Variants in POGK observed in about 807,000 individuals in gnomAD.
POGK encodes the protein pogo transposable element with KRAB domain.
Under a neutral mutation model 54.4 loss-of-function variants are expected in POGK, and 16 were observed. The observed-to-expected ratio is 0.29, with a 90% CI of 0.20 to 0.45. POGK has a LOEUF of 0.45. Ranked by LOEUF, POGK falls within the 20% of genes least tolerant of loss-of-function variation. The pLI is 1.00. For synonymous variants in POGK, 271 were observed against 302.2 expected (o/e 0.90, Z 1.07); for missense variants, 515 against 795.6 (o/e 0.65, Z 4.24).
Position 166,849,878 on chromosome 1 carries a change from T to C in POGK, c.1299T>C (p.Ile433=), listed in dbSNP as rs202027505. The C allele has an allele frequency of 9.4e-5, 151 of 1,614,218 alleles. No homozygotes were observed. Among genetic ancestry groups the C allele is most frequent in the Non-Finnish European group, 4.2e-5 (50 of 1,180,040 alleles). ...PPGKFPSGME[I]RCHRYGWMTE... is the part of the protein sequence containing the mutation. Reference sequence around the variant, plus strand: ...GGAAGTTTCCCAGTGGGATGGAAATTCGCTGCCACCGGTATGGGTGGATGA... The same window carrying C: ...GGAAGTTTCCCAGTGGGATGGAAATCCGCTGCCACCGGTATGGGTGGATGA... Residue 433 remains isoleucine, a synonymous_variant, in exon 5 of 6, where the codon ATT becomes ATC. Transcript: ENST00000367876.
rs781538379 is a variant in POGK, at chr1:166,850,003, G to A, written c.1424G>A (p.Gly475Asp). 8 of 1,614,076 alleles carry A rather than the reference G, an allele frequency of 5.0e-6. No homozygotes were observed. Among genetic ancestry groups the A allele is most frequent in the Non-Finnish European group, 6.8e-6 (8 of 1,180,032 alleles). ...RGMLILNGFR[G>D]HATDSVKNSM... The stretch of plus-strand genomic sequence containing the variant: ...ATGCTGATCTTGAATGGCTTCCGGG[G>A]CCATGCCACAGATTCCGTGAAGAAC... The change falls in exon 5 of 6, where the codon GGC becomes GAC. Residue 475 changes from glycine to aspartate, a missense_variant. Gly to Asp is a moderately conservative substitution (Grantham distance 94, BLOSUM62 -1). Coordinates refer to ENST00000367876, the MANE Select transcript of POGK (RefSeq NM_017542.5).
At chr1:166,847,334 A>G (rs1657889134) in intron 3 of POGK, among the ~76,000 whole-genome samples, 160 bp from the exon 4 acceptor site, 1 of 151,998 alleles carries the variant, frequency 6.6e-6, no homozygotes, top group Non-Finnish European at 1.5e-5. Flanking sequence ...AGACAGACCT[A>G]TTTTCCATTA....
At position 166,843,983 on chromosome 1, in the gene POGK, A is replaced by G. The variant is rs547441057; in HGVS notation, c.133-2629A>G. Among the ~76,000 whole-genome samples, 264 of 152,312 alleles carry G rather than the reference A, an allele frequency of 1.7e-3. 4 individuals carry two copies. The highest frequency in any genetic ancestry group is 4.6e-3 in the South Asian group (22 of 4,830). On this transcript the variant is annotated intron_variant, in intron 2 of 5. Transcript: ENST00000367876. Reference sequence around the variant, plus strand: ...TGTTTACCTTCTGCTATGTTGAGCCAGATAAAAGGCCTCTGTGGAGCGAGG... The same window carrying G: ...TGTTTACCTTCTGCTATGTTGAGCCGGATAAAAGGCCTCTGTGGAGCGAGG...
intron 2 of POGK, among the ~76,000 whole-genome samples, chr1:166,845,372 A>AT (rs1228043381): frequency 6.6e-6 from 1 of 151,734 alleles, no homozygotes; most frequent in African/African-American, 2.4e-5. Context: ...AAAAAAAAAA[A>AT]AAATAGGCGT....
In POGK at chr1:166,855,992, TATTG is replaced by T. The variant is rs962773614; in HGVS notation, c.*3426_*3429del. On this transcript the variant is annotated 3_prime_UTR_variant, in exon 6 of 6. Coordinates refer to ENST00000367876, the MANE Select transcript of POGK (RefSeq NM_017542.5). ...CTTGTGCCAAGAACTGAAACTAAGC[TATTG>T]ATTTTTTTTTAAGAAGTCTTAATCT... The T allele has an allele frequency of 1.3e-5, 2 of 152,308 alleles. No homozygotes were observed. The highest frequency in any genetic ancestry group is 6.5e-5 in the Admixed American group (1 of 15,304). The allele number at this position is 152,308 out of a possible 1,614,324, so 9.4% of individuals were successfully genotyped here.
At chr1:166,848,325 G>A (rs1384078369) in intron 4 of POGK, among the ~76,000 whole-genome samples, 1 of 152,146 alleles carries the variant, frequency 6.6e-6, no homozygotes, top group Non-Finnish European at 1.5e-5. Flanking sequence ...ATTTTAGTTT[G>A]GGTGAGATAG....
rs181238926 is a variant in POGK, at chr1:166,841,282, C to A, written c.132+194C>A. Among the ~76,000 whole-genome samples the A allele has an allele frequency of 1.7e-3, 252 of 152,340 alleles. 1 individual carries two copies. The highest frequency in any genetic ancestry group is 5.6e-3 in the African/African-American group (231 of 41,584). On this transcript the variant is annotated intron_variant, in intron 2 of 5. Coordinates refer to ENST00000367876, the MANE Select transcript of POGK (RefSeq NM_017542.5). ...GGAGGAGGTGTTATGGAAACAGTCC[C>A]TCAGCCATGTAGCTTGTCATCGTTC...
intron 2 of POGK, among the ~76,000 whole-genome samples, chr1:166,842,597 G>A (rs537142616): frequency 3.3e-5 from 5 of 152,226 alleles, no homozygotes; most frequent in Non-Finnish European, 5.9e-5. Flanking sequence ...TGAGAACTCC[G>A]GGGCTTCCTG....
intron 2 of POGK, among the ~76,000 whole-genome samples, chr1:166,845,100 T>A (rs1657790870): frequency 6.6e-6 from 1 of 152,152 alleles, no homozygotes; most frequent in Non-Finnish European, 1.5e-5. Context: ...TCGGTATTGC[T>A]GGATCCTTGG....
At position 166,849,308 on chromosome 1, in the gene POGK, C is replaced by T. The variant is rs148807160; in HGVS notation, c.729C>T (p.Asn243=). The change falls in exon 5 of 6, where the codon AAC becomes AAT. Residue 243 remains asparagine (N), a synonymous_variant. Transcript: ENST00000367876. The part of the protein sequence containing the change: ...DWRKVKPQLQ[N]AHAMRRAFRG... ...GCAAAGTGAAGCCACAGCTTCAAAA[C>T]GCCCACGCCATGCGGCGGGCATTCC... 108 of 1,614,202 alleles carry T rather than the reference C, an allele frequency of 6.7e-5. No individual in the cohort carries two copies. In the African/African-American group the frequency reaches 7.3e-4, roughly 11 times the overall value.
At chr1:166,843,676 C>T (rs1419790508) in intron 2 of POGK, among the ~76,000 whole-genome samples, 1 of 152,208 alleles carries the variant, frequency 6.6e-6, no homozygotes, top group East Asian at 1.9e-4. Context: ...CCCCGAGATC[C>T]CTGCGTCTTT....
intron 2 of POGK, among the ~76,000 whole-genome samples, chr1:166,845,740 G>A (rs1409823099): frequency 6.6e-6 from 1 of 152,176 alleles, no homozygotes; most frequent in African/African-American, 2.4e-5. Flanking sequence ...CTTTGGAGTA[G>A]GATTTTTAAT....
At chr1:166,843,654 C>T (rs954990039) in intron 2 of POGK, among the ~76,000 whole-genome samples, 2 of 152,134 alleles carry the variant, frequency 1.3e-5, no homozygotes, top group African/African-American at 4.8e-5. Flanking sequence ...TACAAACTAC[C>T]CCAACCCCTT....
At chr1:166,841,279 TCCCTCAGC>T (rs1218388344) in intron 2 of POGK, among the ~76,000 whole-genome samples, 191 bp downstream of exon 2, 1 of 152,192 alleles carries the variant, frequency 6.6e-6, no homozygotes, top group Non-Finnish European at 1.5e-5. Context: ...ATGGAAACAG[TCCCTCAGC>T]CATGTAGCTT....
rs1187422054 is a variant in POGK, at chr1:166,849,187, G to T, written c.608G>T (p.Gly203Val). The T allele has an allele frequency of 1.2e-6, 2 of 1,614,086 alleles. No homozygotes were observed. Residue 203 changes from glycine to valine, a missense_variant, in exon 5 of 6, where the codon GGG becomes GTG. This residue lies in a region of POGK where 461 missense variants were observed against 743.5 expected (regional missense o/e 0.62). Coordinates refer to ENST00000367876, the MANE Select transcript of POGK (RefSeq NM_017542.5). ...GGCATGCGCCGCAGTTACGACGCAG[G>T]GTTCAAGCTGATGGTAGTGGAATAT... ...SRGMRRSYDA[G>V]FKLMVVEYAE...
Position 166,846,623 on chromosome 1 carries a change from A to G in POGK, c.144A>G (p.Leu48=), listed in dbSNP as rs781505859. The part of the protein sequence containing the change: ...ICSEGGWVPA[L]FDEVAIYFSD... ...GTTCACTCTTCCAGGTACCGGCCCT[A>G]TTTGATGAGGTGGCCATATATTTTT... Residue 48 remains leucine, a synonymous_variant, in exon 3 of 6, where the codon CTA becomes CTG. Coordinates refer to ENST00000367876, the MANE Select transcript of POGK (RefSeq NM_017542.5). 2.5e-6 allele frequency: 4 copies of G among 1,614,120 alleles called. No individual in the cohort carries two copies. Among genetic ancestry groups the G allele is most frequent in the South Asian group, 1.1e-5 (1 of 91,080 alleles).
At chr1:166,840,329 C>T (rs1453043817) in intron 1 of POGK, 1 of 152,270 alleles carries the variant, frequency 6.6e-6, no homozygotes, top group Non-Finnish European at 1.5e-5. Context: ...TTTTGGGTAT[C>T]CAGGCATAAC....
chr1:166,855,964 T>C lies in POGK; in HGVS notation c.*3394T>C, dbSNP rs991482981. On this transcript the variant is annotated 3_prime_UTR_variant, in exon 6 of 6. Transcript: ENST00000367876. ...TACGTAGTTTCTCACCTAAAACTAA[T>C]GGCTTGTGCCAAGAACTGAAACTAA... The C allele has an allele frequency of 2.0e-5, 3 of 152,246 alleles. No individual in the cohort carries two copies. The highest frequency in any genetic ancestry group is 4.4e-5 in the Non-Finnish European group (3 of 68,044). 9.4% of individuals were successfully genotyped at this position (152,246 alleles called of 1,614,324 possible). A position where few individuals can be genotyped will look rare whatever the true frequency, so the allele number is the denominator to read the frequency against.
At chr1:166,844,990 C>A (rs535698986) in intron 2 of POGK, among the ~76,000 whole-genome samples, 42 of 151,964 alleles carry the variant, frequency 2.8e-4, no homozygotes, top group Non-Finnish European at 5.3e-4. Flanking sequence ...GGTGTGGGGG[C>A]GTTGGGGAAT....
Sources: allele counts gnomAD v4.1 joint callset (sites outside exome capture counted in the v4.1 genomes callset), GRCh38; gene constraint gnomAD v4.1.1; regional missense constraint gnomAD v4.1.1; transcripts MANE v1.5; gene names NCBI Gene and HGNC (gene_info 2026-07-23, HGNC 2026-07-21).